POLR3A: variants seen among roughly 807,000 people sequenced by gnomAD.
POLR3A encodes DNA-directed RNA polymerase III subunit RPC1.
In POLR3A, 112 loss-of-function variants were observed where a neutral mutation model predicts 152.8. The observed-to-expected ratio is 0.73, with a 90% CI of 0.63 to 0.86. The LOEUF (loss-of-function observed/expected upper bound fraction) is 0.86, where lower values mean the gene tolerates loss of function less well. Among genes scored for constraint, POLR3A ranks in the 40% least tolerant of loss-of-function variants. The pLI is 0.00. For synonymous variants in POLR3A, 615 were observed against 652.1 expected, an observed-to-expected ratio of 0.94 and a Z score of 0.87; for missense variants, 1,385 against 1,743.1, an observed-to-expected ratio of 0.79 and a Z score of 3.66.
intron 4 of POLR3A, 64 bp downstream of exon 4, chr10:78,024,907 T>C: frequency 6.3e-7 from 1 of 1,583,614 alleles, no homozygotes; most frequent in Non-Finnish European, 8.7e-7. Context: ...GTAAACCTAA[T>C]AAACTAAACA....
In POLR3A at chr10:77,977,624, C is replaced by A; in HGVS notation, c.4027G>T (p.Val1343Leu). The A allele has an allele frequency of 6.2e-7, 1 of 1,613,138 alleles. No individual in the cohort carries two copies. The highest frequency in any genetic ancestry group is 8.5e-7 in the Non-Finnish European group (1 of 1,179,144). Reference sequence around the variant, plus strand: ...ATTCCCATGATGATGCACTCAGACACCCCTGAAACCAACCAGAATGAACAT... The same window carrying A: ...ATTCCCATGATGATGCACTCAGACAACCCTGAAACCAACCAGAATGAACAT... Reference protein sequence around the residue: ...YFGQKDSVCGVSECIIMGIPM... With the variant: ...YFGQKDSVCGLSECIIMGIPM... Residue 1343 changes from valine to leucine, a missense_variant and splice_region_variant, in exon 31 of 31, where the codon GTG (valine) becomes TTG (leucine). Transcript: ENST00000372371.
chr10:77,988,372 A>G (rs1455633853), intron 21 of POLR3A, among the ~76,000 whole-genome samples: 1 of 152,094 alleles, frequency 6.6e-6, no homozygotes, highest in East Asian at 1.9e-4. Context: ...AAATACAAAA[A>G]TTAGCTGGGC....
At chr10:77,989,916 T>A (rs1371743378) in intron 21 of POLR3A, among the ~76,000 whole-genome samples, 1 of 152,224 alleles carries the variant, frequency 6.6e-6, no homozygotes, top group East Asian at 1.9e-4. Context: ...GCCACACTCT[T>A]GATTTTAAAA....
chr10:78,021,794 C>T, intron 7 of POLR3A, 66 bp downstream of exon 7: 1 of 1,610,142 alleles, frequency 6.2e-7, no homozygotes. Context: ...AGAAGCTGGA[C>T]AGACACTCCT....
chr10:77,977,478 C>G lies in POLR3A; in HGVS notation c.4173G>C (p.Ter1391TyrextTer9). 1 of 1,613,942 alleles carries G rather than the reference C, an allele frequency of 6.2e-7. No individual in the cohort carries two copies. Among genetic ancestry groups the G allele is most frequent in the East Asian group, 2.2e-5 (1 of 44,868 alleles). ...TNEFHIPLVT[*>Y] is the part of the protein sequence containing the mutation. ...AGGCATGGTCCCCTCTTTCTTTGGA[C>G]TATGTGACAAGGGGGATGTGGAATT... The change falls in exon 31 of 31, where the codon TAG becomes TAC. Residue 1391 changes from the stop codon to tyrosine (Y), a stop_lost. Transcript: ENST00000372371.
At chr10:77,992,721 T>A (rs1847261390) in intron 20 of POLR3A, among the ~76,000 whole-genome samples, 1 of 152,042 alleles carries the variant, frequency 6.6e-6, no homozygotes, top group South Asian at 2.1e-4. Context: ...AATATTTTTT[T>A]AGAGATAGAG....
At chr10:78,009,740 C>T (rs899967693) in intron 13 of POLR3A, 65 bp from the exon 14 acceptor site, 39 of 1,613,204 alleles carry the variant, frequency 2.4e-5, no homozygotes, top group Admixed American at 3.3e-5. Flanking sequence ...CTTCAGTAGA[C>T]GAAGCCAGGC....
rs139714226 is a variant in POLR3A at position 77,981,932 on chromosome 10, G to A, written c.3759+222C>T. On this transcript the variant is annotated intron_variant, in intron 28 of 30. Transcript: ENST00000372371. ...TGGGTGCCTGTAGTCCCAGCTACTCGGGAGGCTGAGGCAGGAGAATGGCGT... is the reference window on the plus strand; with the variant it reads ...TGGGTGCCTGTAGTCCCAGCTACTCAGGAGGCTGAGGCAGGAGAATGGCGT... Among the ~76,000 whole-genome samples the A allele has an allele frequency of 8.2e-3, 1,223 of 148,452 alleles. 11 individuals carry two copies. The highest frequency in any genetic ancestry group is 0.029 in the African/African-American group (1,156 of 40,396).
At chr10:77,999,035 G>A (rs1053389088) in intron 19 of POLR3A, among the ~76,000 whole-genome samples, 1 of 152,090 alleles carries the variant, frequency 6.6e-6, no homozygotes, top group Admixed American at 6.6e-5. Flanking sequence ...ATCATTCTCA[G>A]CAAACTATCC....
At chr10:77,989,428 A>C (rs1484730977) in intron 21 of POLR3A, among the ~76,000 whole-genome samples, 1 of 152,208 alleles carries the variant, frequency 6.6e-6, no homozygotes, top group African/African-American at 2.4e-5. Context: ...CCCTCTCAGC[A>C]AATCTGAGCT....
chr10:78,011,518 C>T (rs1274896732), intron 11 of POLR3A, among the ~76,000 whole-genome samples: 1 of 152,072 alleles, frequency 6.6e-6, no homozygotes, highest in East Asian at 1.9e-4. Flanking sequence ...AGACAAAGGC[C>T]CATTACCACT....
Position 77,981,459 on chromosome 10 carries a change from A to G in POLR3A, c.3860T>C (p.Val1287Ala). The change falls in exon 29 of 31, where the codon GTG becomes GCG. Residue 1287 changes from valine (V) to alanine (A), a missense_variant. Val to Ala is a moderately conservative substitution (Grantham distance 64). Around this residue, in one of 7 missense-constraint regions of POLR3A, gnomAD observed 332 missense variants for 400.1 expected, o/e 0.83. Coordinates refer to ENST00000372371, the MANE Select transcript of POLR3A (RefSeq NM_007055.4). ...GGTCATGAGGTCGGAGAGCAGCATC[A>G]CGTGCCTCCTGTCGATGCTCATGCC... ...NHGMSIDRRHVMLLSDLMTYK... is the reference protein window; with the variant it reads ...NHGMSIDRRHAMLLSDLMTYK... 6.2e-7 allele frequency: 1 copy of G among 1,614,062 alleles called. No homozygotes were observed. Among genetic ancestry groups the G allele is most frequent in the Non-Finnish European group, 8.5e-7 (1 of 1,179,960 alleles).
At chr10:78,006,887 G>A (rs748171701) in intron 15 of POLR3A, among the ~76,000 whole-genome samples, 24 of 152,128 alleles carry the variant, frequency 1.6e-4, no homozygotes, top group Non-Finnish European at 3.2e-4. Flanking sequence ...GGGAGGTGGA[G>A]GCAGGTGGAT....
chr10:78,008,425 G>C (rs528370067), intron 14 of POLR3A, among the ~76,000 whole-genome samples: 3 of 152,104 alleles, frequency 2.0e-5, no homozygotes, highest in Non-Finnish European at 4.4e-5. Context: ...CAAAACATTT[G>C]CTCTTCATTA....
At position 78,015,209 on chromosome 10, in the gene POLR3A, C is replaced by T. The variant is rs73298698; in HGVS notation, c.1432-1419G>A. The stretch of plus-strand genomic sequence containing the variant: ...AAAAATGACACAGATATGGGTTCAT[C>T]GAAGAAAAATGGGAAAGATAAAACA... On this transcript the variant is annotated intron_variant, in intron 10 of 30. Transcript: ENST00000372371. Among the ~76,000 whole-genome samples the T allele has an allele frequency of 6.4e-3, 971 of 152,104 alleles. 4 individuals carry two copies. Among genetic ancestry groups the T allele is most frequent in the African/African-American group, 0.022 (914 of 41,494 alleles).
In POLR3A at chr10:77,976,556, C is replaced by T. The variant is rs978371466; in HGVS notation, c.*922G>A. 6.6e-6 allele frequency: 1 copy of T among 152,208 alleles called. No homozygotes were observed. Among genetic ancestry groups the T allele is most frequent in the African/African-American group, 2.4e-5 (1 of 41,446 alleles). 9.4% of individuals were successfully genotyped at this position (152,208 alleles called of 1,614,324 possible). A position where few individuals can be genotyped will look rare whatever the true frequency, so the allele number is the denominator to read the frequency against. The stretch of plus-strand genomic sequence containing the variant: ...CTCATTCTAACACAGATCCAAGAAC[C>T]AATGGCTACCCCGGGTACCTTAACA... On this transcript the variant is annotated 3_prime_UTR_variant, in exon 31 of 31. Coordinates refer to ENST00000372371, the MANE Select transcript of POLR3A (RefSeq NM_007055.4).
intron 21 of POLR3A, among the ~76,000 whole-genome samples, chr10:77,990,227 C>T (rs1380654837): frequency 2.6e-5 from 4 of 151,444 alleles, no homozygotes; most frequent in Admixed American, 6.6e-5. Context: ...AAAAAACAAA[C>T]GAACCAAAAA....
At chr10:77,978,812 C>T (rs950485542) in intron 30 of POLR3A, among the ~76,000 whole-genome samples, 11 of 148,552 alleles carry the variant, frequency 7.4e-5, no homozygotes, top group Non-Finnish European at 1.0e-4. Flanking sequence ...AGGTGCCTGC[C>T]ACCGTGCCCA....
At chr10:78,003,313 G>C (rs535180609) in intron 16 of POLR3A, among the ~76,000 whole-genome samples, 1 of 152,302 alleles carries the variant, frequency 6.6e-6, no homozygotes, top group African/African-American at 2.4e-5. Context: ...GTTTCTCCCT[G>C]CTTTAGAAAA....
Sources: allele counts gnomAD v4.1 joint callset (sites outside exome capture counted in the v4.1 genomes callset), GRCh38; gene constraint gnomAD v4.1.1; regional missense constraint gnomAD v4.1.1; transcripts MANE v1.5; gene names NCBI Gene and HGNC (gene_info 2026-07-23, HGNC 2026-07-21).